Variants in KCNH1 observed in about 807,000 individuals in gnomAD.
The protein encoded by KCNH1 is voltage-gated delayed rectifier potassium channel KCNH1.
In KCNH1, 27 loss-of-function variants were observed where a neutral mutation model predicts 69.2. That is an observed-to-expected ratio of 0.39 (90% confidence interval 0.29 to 0.54). The LOEUF (loss-of-function observed/expected upper bound fraction) is 0.54. KCNH1 is among the 20% of genes least tolerant of loss of function. The probability of loss-of-function intolerance (pLI) is 0.68; values close to 1 mark genes in which losing one functional copy is unlikely to be tolerated. For missense variants in KCNH1, 798 were observed against 1,261.6 expected (o/e 0.63, Z 5.57); for synonymous variants, 456 against 487.7 (o/e 0.93, Z 0.86).
At chr1:210,863,557 G>T (rs572095231) in intron 7 of KCNH1, among the ~76,000 whole-genome samples, 1 of 152,264 alleles carries the variant, frequency 6.6e-6, no homozygotes, top group East Asian at 1.9e-4. Flanking sequence ...AATAGTAAAT[G>T]CCATTTCCAG....
chr1:210,875,995 G>A (rs1686366368), intron 7 of KCNH1, among the ~76,000 whole-genome samples: 1 of 151,992 alleles, frequency 6.6e-6, no homozygotes, highest in African/African-American at 2.4e-5. Flanking sequence ...AAAAATTCCT[G>A]AATAAATGGA....
intron 6 of KCNH1, among the ~76,000 whole-genome samples, chr1:211,000,648 AT>A (rs1478581689): frequency 6.6e-6 from 1 of 152,228 alleles, no homozygotes; most frequent in Non-Finnish European, 1.5e-5. Flanking sequence ...TCTTCACAAA[AT>A]TGGAAAAAAC....
chr1:210,771,130 A>G (rs538161358), intron 10 of KCNH1, among the ~76,000 whole-genome samples: 2 of 152,322 alleles, frequency 1.3e-5, no homozygotes, highest in East Asian at 3.9e-4. Flanking sequence ...CTGATTACAG[A>G]CACAAGATGA....
intron 9 of KCNH1, among the ~76,000 whole-genome samples, chr1:210,788,430 A>T (rs1416768745): frequency 6.6e-6 from 1 of 152,238 alleles, no homozygotes; most frequent in Non-Finnish European, 1.5e-5. Context: ...ACCACAATTT[A>T]TGATTCAACC....
At chr1:210,914,037 G>A (rs1334013291) in intron 7 of KCNH1, among the ~76,000 whole-genome samples, 1 of 152,178 alleles carries the variant, frequency 6.6e-6, no homozygotes. Flanking sequence ...TGAAAGTCAT[G>A]TGTTGAATAC....
At chr1:210,861,402 G>A in intron 7 of KCNH1, 1 of 777,554 alleles carries the variant, frequency 1.3e-6, no homozygotes, top group Admixed American at 1.7e-5. Flanking sequence ...AATTCCTTCA[G>A]AAATACTTGA....
At chr1:210,806,415 T>G (rs562443916) in intron 7 of KCNH1, among the ~76,000 whole-genome samples, 21 of 152,238 alleles carry the variant, frequency 1.4e-4, no homozygotes, top group African/African-American at 4.8e-4. Context: ...TATTGTTGAG[T>G]TCTAAGAACC....
In KCNH1 at chr1:210,680,973, T is replaced by C. The variant is rs1016430839; in HGVS notation, c.*2308A>G. ...TCCCTCAGGCAGAGCTGGAGGGAAA[T>C]GGCAGGGCCTCTTGACATTGACCGT... On this transcript the variant is annotated 3_prime_UTR_variant, in exon 11 of 11. Coordinates refer to ENST00000271751, the MANE Select transcript of KCNH1 (RefSeq NM_172362.3). 12 of 151,708 alleles carry C rather than the reference T, an allele frequency of 7.9e-5. No homozygotes were observed. The highest frequency in any genetic ancestry group is 2.9e-4 in the African/African-American group (12 of 41,406). 9.4% of individuals were successfully genotyped at this position (151,708 alleles called of 1,614,324 possible).
intron 5 of KCNH1, among the ~76,000 whole-genome samples, chr1:211,035,037 A>G (rs1006061816): frequency 6.6e-6 from 1 of 152,068 alleles, no homozygotes; most frequent in African/African-American, 2.4e-5. Flanking sequence ...CCTTAGTTCA[A>G]TAGTGTCTTC....
intron 10 of KCNH1, among the ~76,000 whole-genome samples, chr1:210,721,007 G>A (rs544459565): frequency 6.6e-6 from 1 of 152,250 alleles, no homozygotes; most frequent in South Asian, 2.1e-4. Context: ...GGGCTTTGGA[G>A]CTAGAAGAAC....
At chr1:210,713,709 C>T (rs900940784) in intron 10 of KCNH1, among the ~76,000 whole-genome samples, 12 of 152,158 alleles carry the variant, frequency 7.9e-5, no homozygotes, top group African/African-American at 2.9e-4. Flanking sequence ...CCCAATAAGT[C>T]CTTACACTTC....
At chr1:210,850,171 A>G (rs1685652068) in intron 7 of KCNH1, among the ~76,000 whole-genome samples, 1 of 152,156 alleles carries the variant, frequency 6.6e-6, no homozygotes, top group Admixed American at 6.5e-5. Flanking sequence ...ACTGATTAGC[A>G]GGAAGAGATG....
At chr1:210,709,137 T>C (rs974503730) in intron 10 of KCNH1, among the ~76,000 whole-genome samples, 2 of 152,256 alleles carry the variant, frequency 1.3e-5, no homozygotes, top group Middle Eastern at 6.8e-3. Flanking sequence ...TGGTCCCAGC[T>C]ACTCAGGAGG....
At chr1:211,070,953 C>A (rs74622238) in intron 5 of KCNH1, among the ~76,000 whole-genome samples, 2,479 of 152,208 alleles carry the variant, frequency 0.016, 68 homozygotes, top group African/African-American at 0.056. Flanking sequence ...CTACATATAA[C>A]TTTTGACTCT....
chr1:210,706,576 CTTTG>C (rs1421375801), intron 10 of KCNH1, among the ~76,000 whole-genome samples: 5 of 152,168 alleles, frequency 3.3e-5, no homozygotes, highest in South Asian at 2.1e-4. Flanking sequence ...GCACAAATCA[CTTTG>C]TTTAACTCCT....
intron 5 of KCNH1, among the ~76,000 whole-genome samples, chr1:211,037,828 T>C (rs774832960): frequency 1.3e-5 from 2 of 152,124 alleles, no homozygotes; most frequent in South Asian, 2.1e-4. Context: ...AATTCCTACA[T>C]GTTGTGGGGA....
chr1:210,985,633 C>A (rs1688815533), intron 6 of KCNH1, among the ~76,000 whole-genome samples: 6 of 152,176 alleles, frequency 3.9e-5, no homozygotes, highest in Admixed American at 3.9e-4. Flanking sequence ...TTTGATTGCA[C>A]TGTGGTCTGG....
In KCNH1 at chr1:210,970,063, ATTTTG is replaced by A. The variant is rs540752208; in HGVS notation, c.1032+48715_1032+48719del. On this transcript the variant is annotated intron_variant, in intron 6 of 10. Coordinates refer to ENST00000271751, the MANE Select transcript of KCNH1 (RefSeq NM_172362.3). Reference sequence around the variant, plus strand: ...AGGCACATGCCACCACACCAAACTAATTTTGTTTTGTTTTGTTTTGTTTTTTTCTC... The same window carrying A: ...AGGCACATGCCACCACACCAAACTAATTTTGTTTTGTTTTGTTTTTTTCTC... 8.6e-5 allele frequency among the ~76,000 whole-genome samples: 13 copies of A among 151,504 alleles called. No homozygotes were observed. The East Asian group carries it at 1.7e-3, about 20-fold the overall frequency.
chr1:211,086,413 C>A (rs1690953442), intron 4 of KCNH1, among the ~76,000 whole-genome samples: 1 of 152,142 alleles, frequency 6.6e-6, no homozygotes, highest in African/African-American at 2.4e-5. Flanking sequence ...CAGGATTCTT[C>A]CAGTTCTATC....
Sources: gnomAD v4.1 joint callset for allele counts (sites outside exome capture counted in the v4.1 genomes callset) on GRCh38, gnomAD v4.1.1 for gene constraint, MANE v1.5 for transcripts, NCBI Gene and HGNC (gene_info 2026-07-23, HGNC 2026-07-21) for gene names.